The following PTPRM variants were observed in gnomAD, a reference collection of about 807,000 sequenced individuals.
The protein encoded by PTPRM is receptor-type tyrosine-protein phosphatase mu.
PTPRM carries 47 observed loss-of-function variants against 186.7 expected under a neutral mutation model. That is an observed-to-expected ratio of 0.25 (90% CI 0.20 to 0.32). The LOEUF is 0.32. Ranked by LOEUF, PTPRM falls within the 10% of genes least tolerant of loss-of-function variation. PTPRM has a pLI of 1.00. For missense variants in PTPRM, 1,494 were observed against 1,865.0 expected (o/e 0.80, Z 3.66); for synonymous variants, 668 against 674.9 (o/e 0.99, Z 0.16).
chr18:8,080,540 G>A lies in PTPRM; in HGVS notation c.1551+3976G>A, dbSNP rs62089547. On this transcript the variant is annotated intron_variant, in intron 9 of 32. Coordinates refer to ENST00000580170, the MANE Select transcript of PTPRM (RefSeq NM_001105244.2). ...GACTAGAGTATCAAGTGCAGTTTTG[G>A]TTGGGCACTTTAATCAAGTAGAATG... is the stretch of plus-strand genomic sequence containing the variant. Among the ~76,000 whole-genome samples the A allele has an allele frequency of 9.6e-3, 1,465 of 152,240 alleles. 11 individuals carry two copies. Among genetic ancestry groups the A allele is most frequent in the South Asian group, 0.018 (88 of 4,828 alleles).
chr18:8,259,867 T>A (rs1282636821), intron 19 of PTPRM, among the ~76,000 whole-genome samples: 1 of 152,070 alleles, frequency 6.6e-6, no homozygotes, highest in Non-Finnish European at 1.5e-5. Flanking sequence ...GGTCTCGAAC[T>A]CCTGACCTCA....
intron 1 of PTPRM, among the ~76,000 whole-genome samples, chr18:7,677,538 G>A (rs905050907): frequency 4.6e-5 from 7 of 152,142 alleles, no homozygotes; most frequent in Non-Finnish European, 8.8e-5. Flanking sequence ...TTCTCTGGTT[G>A]ATGAATGTCA....
At chr18:8,365,012 G>A (rs917150483) in intron 23 of PTPRM, 2 of 152,206 alleles carry the variant, frequency 1.3e-5, no homozygotes, top group Non-Finnish European at 2.9e-5. Context: ...GGAGGATGAT[G>A]GTTTCAGAGC....
At chr18:8,401,590 G>T (rs1172232754) in intron 32 of PTPRM, among the ~76,000 whole-genome samples, 1 of 152,244 alleles carries the variant, frequency 6.6e-6, no homozygotes, top group African/African-American at 2.4e-5. Context: ...CAGGTCAGAG[G>T]TGGAGGCTAT....
chr18:7,637,666 A>G lies in PTPRM; in HGVS notation c.73+69775A>G, dbSNP rs141232787. ...TGGGGGATATAGTAGGTTCTTAATA[A>G]TCATTGAATTAATGCACATTGAAAA... is the stretch of plus-strand genomic sequence containing the variant. On this transcript the variant is annotated intron_variant, in intron 1 of 32. Transcript: ENST00000580170. Among the ~76,000 whole-genome samples the G allele has an allele frequency of 9.8e-5, 15 of 152,302 alleles. No homozygotes were observed. In the East Asian group the frequency reaches 2.9e-3, roughly 29 times the overall value.
intron 1 of PTPRM, among the ~76,000 whole-genome samples, chr18:7,639,880 T>A (rs1243090923): frequency 3.3e-5 from 5 of 152,228 alleles, no homozygotes; most frequent in Non-Finnish European, 7.3e-5. Context: ...ATTTGAAAAT[T>A]TACCCAAAGA....
intron 32 of PTPRM, among the ~76,000 whole-genome samples, chr18:8,400,308 C>T (rs1167230750): frequency 6.6e-6 from 1 of 152,196 alleles, no homozygotes; most frequent in Non-Finnish European, 1.5e-5. Flanking sequence ...CTGCAGCAGC[C>T]GAGTGTTAAA....
intron 17 of PTPRM, 51 bp downstream of exon 17, chr18:8,248,227 T>G: frequency 2.1e-6 from 3 of 1,451,584 alleles, no homozygotes; most frequent in Non-Finnish European, 2.9e-6. Flanking sequence ...ATTTAGAAAG[T>G]CAGTGACCAC....
chr18:7,963,226 A>T (rs937548853), intron 7 of PTPRM, among the ~76,000 whole-genome samples: 7 of 152,184 alleles, frequency 4.6e-5, no homozygotes, highest in Non-Finnish European at 7.3e-5. Flanking sequence ...TTTTTATTAT[A>T]ATATATTCAG....
At chr18:7,619,729 A>G (rs2037892240) in intron 1 of PTPRM, among the ~76,000 whole-genome samples, 1 of 152,174 alleles carries the variant, frequency 6.6e-6, no homozygotes, top group Admixed American at 6.5e-5. Flanking sequence ...TTGGGGACCC[A>G]CTGGATATAT....
intron 19 of PTPRM, among the ~76,000 whole-genome samples, chr18:8,285,902 G>A (rs1487346559): frequency 6.6e-6 from 1 of 152,132 alleles, no homozygotes; most frequent in Non-Finnish European, 1.5e-5. Flanking sequence ...TGAGGCAGGA[G>A]GATCACTTGA....
At chr18:7,705,279 TTATC>T (rs67662119) in intron 1 of PTPRM, among the ~76,000 whole-genome samples, 50,415 of 146,368 alleles carry the variant, frequency 0.34, 8,651 homozygotes, top group East Asian at 0.42. Context: ...AAATATCTAT[TTATC>T]TATCTATCTA....
chr18:7,842,074 G>A (rs567812720), intron 2 of PTPRM, among the ~76,000 whole-genome samples: 48 of 152,202 alleles, frequency 3.2e-4, no homozygotes, highest in Admixed American at 3.9e-4. Flanking sequence ...AGAAGTTGAT[G>A]ACTTAGATCC....
chr18:8,138,593 A>G (rs978255655), intron 13 of PTPRM, among the ~76,000 whole-genome samples: 1 of 152,136 alleles, frequency 6.6e-6, no homozygotes, highest in Non-Finnish European at 1.5e-5. Context: ...AGCCATCAAA[A>G]GAGACCTTTC....
intron 2 of PTPRM, among the ~76,000 whole-genome samples, chr18:7,884,227 G>A (rs910899939): frequency 4.6e-5 from 7 of 152,154 alleles, no homozygotes; most frequent in African/African-American, 1.7e-4. Context: ...AAAGTCAGGA[G>A]CATTTGCTGG....
At chr18:7,673,638 A>C (rs1465356951) in intron 1 of PTPRM, among the ~76,000 whole-genome samples, 2 of 152,244 alleles carry the variant, frequency 1.3e-5, no homozygotes, top group African/African-American at 2.4e-5. Context: ...CTTATTCATC[A>C]CATATTACTT....
At chr18:7,913,230 G>T (rs895827284) in intron 4 of PTPRM, among the ~76,000 whole-genome samples, 6 of 76,626 alleles carry the variant, frequency 7.8e-5, no homozygotes, top group African/African-American at 4.1e-4. Flanking sequence ...GCTCTAATTG[G>T]TTTTTTGGTG....
At chr18:8,308,171 G>A (rs2095240919) in intron 20 of PTPRM, among the ~76,000 whole-genome samples, 1 of 152,164 alleles carries the variant, frequency 6.6e-6, no homozygotes, top group Admixed American at 6.5e-5. Flanking sequence ...CATGAGTCAG[G>A]CAGCCCTCAG....
At chr18:7,684,320 A>G (rs2039547745) in intron 1 of PTPRM, among the ~76,000 whole-genome samples, 1 of 152,074 alleles carries the variant, frequency 6.6e-6, no homozygotes, top group African/African-American at 2.4e-5. Flanking sequence ...AATAAAATAA[A>G]TGAATGAATA....
Sources: gnomAD v4.1 joint callset for allele counts (sites outside exome capture counted in the v4.1 genomes callset) on GRCh38, gnomAD v4.1.1 for gene constraint, MANE v1.5 for transcripts, NCBI Gene and HGNC (gene_info 2026-07-23, HGNC 2026-07-21) for gene names.